ADAM12: variants seen among roughly 807,000 people sequenced by gnomAD.
ADAM12 encodes disintegrin and metalloproteinase domain-containing protein 12.
ADAM12 carries 70 observed loss-of-function variants against 106.4 expected under a neutral mutation model. The observed-to-expected ratio is 0.66, with a 90% CI of 0.54 to 0.80. ADAM12 has a LOEUF of 0.80. Among genes scored for constraint, ADAM12 ranks in the 30% least tolerant of loss-of-function variants. ADAM12 has a pLI of 0.00. For synonymous variants in ADAM12, 420 were observed against 433.5 expected, an observed-to-expected ratio of 0.97 and a Z score of 0.39; for missense variants, 1,010 against 1,171.9, an observed-to-expected ratio of 0.86 and a Z score of 2.02.
chr10:126,326,741 G>T (rs1232473037), intron 2 of ADAM12, among the ~76,000 whole-genome samples: 1 of 151,886 alleles, frequency 6.6e-6, no homozygotes, highest in Non-Finnish European at 1.5e-5. Context: ...TCAGGGCCCT[G>T]CTCACCTCTC....
intron 12 of ADAM12, chr10:126,070,477 A>G (rs1954965052): frequency 6.6e-6 from 1 of 152,236 alleles, no homozygotes; most frequent in Admixed American, 6.5e-5. Flanking sequence ...GGATATGATG[A>G]ACATTCTGTT....
At position 126,064,857 on chromosome 10, in the gene ADAM12, T is replaced by G. The variant is rs1954833667; in HGVS notation, c.1558A>C (p.Asn520His). Residue 520 changes from asparagine to histidine, a missense_variant, in exon 14 of 23, where the codon AAT becomes CAT. By Grantham distance (68) the Asn-to-His change is moderately conservative. Around this residue, in one of 3 missense-constraint regions of ADAM12, gnomAD observed 615 missense variants for 708.5 expected, o/e 0.87. Transcript: ENST00000448723. The surrounding 1 kb of genome is among the most constrained non-coding windows in gnomAD (Gnocchi z 4.4). Reference sequence around the variant, plus strand: ...TGCTCGTGAGTCTGGCAGATGCCATTGTAGCAGTAGCCGTCCACATCCTGA... The same window carrying G: ...TGCTCGTGAGTCTGGCAGATGCCATGGTAGCAGTAGCCGTCCACATCCTGA... The part of the protein sequence containing the change: ...SCQDVDGYCY[N>H]GICQTHEQQC... The G allele has an allele frequency of 6.2e-7, 1 of 1,612,388 alleles. No homozygotes were observed. Among genetic ancestry groups the G allele is most frequent in the Admixed American group, 1.7e-5 (1 of 59,828 alleles).
At chr10:126,173,215 C>A (rs1957151179) in intron 3 of ADAM12, among the ~76,000 whole-genome samples, 1 of 152,118 alleles carries the variant, frequency 6.6e-6, no homozygotes, top group Non-Finnish European at 1.5e-5. Context: ...TGTAACGAAC[C>A]TGCACGTTCT....
At chr10:126,240,383 T>C (rs574889897) in intron 3 of ADAM12, among the ~76,000 whole-genome samples, 4 of 152,250 alleles carry the variant, frequency 2.6e-5, no homozygotes, top group Non-Finnish European at 5.9e-5. Flanking sequence ...CAGCTGGGCC[T>C]TGGAGACAAA....
chr10:126,278,314 A>G (rs1053355533), intron 3 of ADAM12, among the ~76,000 whole-genome samples: 12 of 152,182 alleles, frequency 7.9e-5, no homozygotes, highest in Non-Finnish European at 1.5e-4. Flanking sequence ...TGTTTGTCTT[A>G]CGGTTGGAGG....
chr10:126,063,286 T>A (rs1954795771), intron 14 of ADAM12, among the ~76,000 whole-genome samples: 1 of 152,114 alleles, frequency 6.6e-6, no homozygotes, highest in Non-Finnish European at 1.5e-5. Flanking sequence ...GCCCTTTCTT[T>A]TCCCCCCCAG....
chr10:126,201,139 G>C (rs2927502), intron 3 of ADAM12, among the ~76,000 whole-genome samples: 5,107 of 152,246 alleles, frequency 0.034, 276 homozygotes, highest in African/African-American at 0.11. Flanking sequence ...TTTGAGAAAG[G>C]ATAACATGAT....
chr10:126,186,117 A>G (rs1957395348), intron 3 of ADAM12, among the ~76,000 whole-genome samples: 1 of 152,158 alleles, frequency 6.6e-6, no homozygotes, highest in Non-Finnish European at 1.5e-5. Context: ...GCCCGTTAGC[A>G]GGAGCCGGTG....
intron 1 of ADAM12, among the ~76,000 whole-genome samples, chr10:126,358,109 G>A (rs867737711): frequency 1.4e-4 from 21 of 151,412 alleles, no homozygotes; most frequent in Non-Finnish European, 1.0e-4. Flanking sequence ...ACCCCGGGGG[G>A]TGGAACCTGC....
intron 3 of ADAM12, among the ~76,000 whole-genome samples, chr10:126,206,388 C>G (rs1344530038): frequency 6.6e-6 from 1 of 152,144 alleles, no homozygotes; most frequent in Non-Finnish European, 1.5e-5. Flanking sequence ...TCTAGGGAGA[C>G]AGATGAATCA....
rs142669179 is a variant in ADAM12 at position 126,020,330 on chromosome 10, C to T, written c.2530-505G>A. On this transcript the variant is annotated intron_variant, in intron 21 of 22. Coordinates refer to ENST00000448723, the MANE Select transcript of ADAM12 (RefSeq NM_001288973.2). ...TCCACATGTTGCTCTGAAGGCTCCG[C>T]GAAATACACTGAAGTTCTTCCACTA... Among the ~76,000 whole-genome samples, 152 of 152,184 alleles carry T rather than the reference C, an allele frequency of 1.0e-3. 1 individual carries two copies. Among genetic ancestry groups the T allele is most frequent in the African/African-American group, 3.6e-3 (149 of 41,506 alleles).
chr10:126,231,018 CATTTT>C (rs1434569066), intron 3 of ADAM12, among the ~76,000 whole-genome samples: 3 of 152,128 alleles, frequency 2.0e-5, no homozygotes, highest in African/African-American at 7.2e-5. Context: ...CAACCAAAAA[CATTTT>C]ATTAAGAACG....
intron 3 of ADAM12, among the ~76,000 whole-genome samples, chr10:126,191,731 G>A (rs557836798): frequency 3.3e-5 from 5 of 152,252 alleles, no homozygotes; most frequent in South Asian, 4.1e-4. Flanking sequence ...AGTAGAACTC[G>A]GGAGCCAGCA....
chr10:126,329,970 T>C (rs1329972364), intron 2 of ADAM12, among the ~76,000 whole-genome samples: 1 of 152,228 alleles, frequency 6.6e-6, no homozygotes, highest in African/African-American at 2.4e-5. Flanking sequence ...CATAAAAGGC[T>C]CAAATCAAAC....
intron 21 of ADAM12, among the ~76,000 whole-genome samples, chr10:126,026,005 A>G (rs1229963948): frequency 2.6e-5 from 4 of 152,164 alleles, no homozygotes; most frequent in Admixed American, 2.6e-4. Flanking sequence ...CCAATATTCA[A>G]CATTCTTTAA....
chr10:126,031,822 T>A (rs1194875790), intron 21 of ADAM12, among the ~76,000 whole-genome samples: 1 of 152,186 alleles, frequency 6.6e-6, no homozygotes, highest in East Asian at 1.9e-4. Context: ...CTGCAGAAAA[T>A]GCATAGAGCC....
chr10:126,142,807 G>A (rs12245511), intron 4 of ADAM12, among the ~76,000 whole-genome samples: 49,257 of 152,104 alleles, frequency 0.32, 8,323 homozygotes, highest in Non-Finnish European at 0.38. Flanking sequence ...AATAGGAGGG[G>A]TCCAAAGGTG....
chr10:126,167,506 G>A (rs1214744176), intron 3 of ADAM12, among the ~76,000 whole-genome samples: 13 of 152,206 alleles, frequency 8.5e-5, no homozygotes, highest in Admixed American at 7.9e-4. Context: ...AAGGAACAAC[G>A]AGGAACTGCA....
intron 1 of ADAM12, among the ~76,000 whole-genome samples, chr10:126,375,812 G>A (rs1046784148): frequency 4.0e-5 from 6 of 150,414 alleles, no homozygotes; most frequent in African/African-American, 1.5e-4. Context: ...GGAGTGCAGT[G>A]CAAGATCACA....
Sources: gnomAD v4.1 joint callset for allele counts (sites outside exome capture counted in the v4.1 genomes callset) on GRCh38, gnomAD v4.1.1 for gene constraint, gnomAD v4.1.1 regional missense constraint, Gnocchi (gnomAD v3.1) non-coding constraint, MANE v1.5 for transcripts, NCBI Gene and HGNC (gene_info 2026-07-23, HGNC 2026-07-21) for gene names.